The following SV2C variants were observed in gnomAD, a reference collection of about 807,000 sequenced individuals.
The protein encoded by SV2C is synaptic vesicle glycoprotein 2C, also known as solute carrier family 22 member B3.
SV2C carries 49 observed loss-of-function variants against 79.7 expected under a neutral mutation model. The ratio of observed to expected loss-of-function variants is 0.61; its 90% confidence interval spans 0.49 to 0.78. The LOEUF is 0.78. Ranked by LOEUF, SV2C falls within the 30% of genes least tolerant of loss-of-function variation. The pLI is 0.00. For missense variants in SV2C, 833 were observed against 912.9 expected, an observed-to-expected ratio of 0.91 and a Z score of 1.13; for synonymous variants, 334 against 333.2, an observed-to-expected ratio of 1.00 and a Z score of -0.03.
At chr5:75,868,330 A>G in the SV2C span, among the ~76,000 whole-genome samples, 1 of 152,180 alleles carries the variant, frequency 6.6e-6, no homozygotes, top group Admixed American at 6.5e-5. Flanking sequence ...CCCACTGACC[A>G]TTTATGAAGG....
At chr5:76,216,277 A>G (rs1333067327) in intron 4 of SV2C, among the ~76,000 whole-genome samples, 1 of 152,128 alleles carries the variant, frequency 6.6e-6, no homozygotes, top group Non-Finnish European at 1.5e-5. Flanking sequence ...CCCAACATGA[A>G]TGGACCTCAC....
At chr5:75,870,493 T>G in the SV2C span, among the ~76,000 whole-genome samples, 1 of 151,302 alleles carries the variant, frequency 6.6e-6, no homozygotes, top group African/African-American at 2.4e-5. Flanking sequence ...TTAAAAAAAA[T>G]GAAGCATGCC....
chr5:75,966,237 G>A, the SV2C span, among the ~76,000 whole-genome samples: 1 of 152,156 alleles, frequency 6.6e-6, no homozygotes, highest in Non-Finnish European at 1.5e-5. Context: ...TGAGATTTAT[G>A]CTTAGCTTTT....
At chr5:76,157,845 T>C (rs1035678967) in intron 2 of SV2C, among the ~76,000 whole-genome samples, 2 of 151,818 alleles carry the variant, frequency 1.3e-5, no homozygotes, top group African/African-American at 4.8e-5. Flanking sequence ...TTAATAAGAA[T>C]GTACTATTGG....
At chr5:75,926,662 G>A in the SV2C span, among the ~76,000 whole-genome samples, 1 of 152,058 alleles carries the variant, frequency 6.6e-6, no homozygotes, top group East Asian at 1.9e-4. Flanking sequence ...ACCAGATATT[G>A]CTGACAAATA....
the SV2C span, among the ~76,000 whole-genome samples, chr5:76,057,567 T>C: frequency 3.3e-5 from 5 of 152,134 alleles, no homozygotes; most frequent in African/African-American, 1.2e-4. Flanking sequence ...AAGCTGCAGG[T>C]CTTTGTTTAT....
intron 9 of SV2C, among the ~76,000 whole-genome samples, chr5:76,297,643 C>T (rs564489566): frequency 3.3e-5 from 5 of 152,064 alleles, no homozygotes; most frequent in African/African-American, 4.8e-5. Context: ...GGGATTGAAA[C>T]GAGATCATTA....
chr5:76,116,583 A>T (rs993648314), intron 1 of SV2C, among the ~76,000 whole-genome samples: 13 of 152,140 alleles, frequency 8.5e-5, no homozygotes, highest in African/African-American at 3.1e-4. Flanking sequence ...TTCCAGTGAA[A>T]GAGGCAGAAC....
chr5:76,207,423 A>C lies in SV2C; in HGVS notation c.762-2313A>C, dbSNP rs1744639938. Among the ~76,000 whole-genome samples, 4 of 152,340 alleles carry C rather than the reference A, an allele frequency of 2.6e-5. No homozygotes were observed. In the South Asian group the frequency reaches 8.3e-4, roughly 32 times the overall value. ...ACGGATTCTTCACATCAAATGAAGA[A>C]AAGGAGTAGTATTAAATTATTTGTG... On this transcript the variant is annotated intron_variant, in intron 3 of 12. Transcript: ENST00000502798.
the SV2C span, among the ~76,000 whole-genome samples, chr5:75,947,210 G>A: frequency 2.0e-5 from 3 of 152,062 alleles, no homozygotes; most frequent in Admixed American, 1.3e-4. Flanking sequence ...AAGATCAGGA[G>A]TTGTGTCTTG....
the SV2C span, among the ~76,000 whole-genome samples, chr5:76,046,769 C>A: frequency 6.6e-6 from 1 of 152,228 alleles, no homozygotes; most frequent in Non-Finnish European, 1.5e-5. Flanking sequence ...CAAGCCCCTC[C>A]TGAGGGGATG....
chr5:75,984,602 T>TCTATCTATCTAC, the SV2C span, among the ~76,000 whole-genome samples: 8 of 141,224 alleles, frequency 5.7e-5, no homozygotes, highest in Admixed American at 5.1e-4. Flanking sequence ...TATCTACCTA[T>TCTATCTATCTAC]CTATCTATCT....
At chr5:75,898,263 G>A in the SV2C span, among the ~76,000 whole-genome samples, 98 of 152,088 alleles carry the variant, frequency 6.4e-4, no homozygotes, top group Non-Finnish European at 1.3e-3. Context: ...ATTTTATTGA[G>A]AGCTTTTAGC....
chr5:76,011,756 T>C, the SV2C span, among the ~76,000 whole-genome samples: 399 of 152,166 alleles, frequency 2.6e-3, 1 homozygote, highest in Admixed American at 6.9e-3. Context: ...GCTATCCCTG[T>C]CCTAGCACCC....
At chr5:76,266,474 C>G (rs543764954) in intron 4 of SV2C, among the ~76,000 whole-genome samples, 48 of 152,340 alleles carry the variant, frequency 3.2e-4, no homozygotes, top group African/African-American at 1.1e-3. Context: ...TCCCAAAGTG[C>G]TGGGTTTACA....
chr5:76,144,634 G>A (rs1749362549), intron 2 of SV2C, among the ~76,000 whole-genome samples: 1 of 152,148 alleles, frequency 6.6e-6, no homozygotes, highest in South Asian at 2.1e-4. Flanking sequence ...GGGAACCTGA[G>A]GAGATACAAA....
At chr5:75,944,922 A>C in the SV2C span, among the ~76,000 whole-genome samples, 15 of 152,184 alleles carry the variant, frequency 9.9e-5, no homozygotes, top group African/African-American at 3.6e-4. Flanking sequence ...GGCTAAAAAA[A>C]CTGGAAAAAG....
intron 12 of SV2C, among the ~76,000 whole-genome samples, chr5:76,321,652 G>A (rs1748833241): frequency 6.6e-6 from 1 of 151,090 alleles, no homozygotes; most frequent in African/African-American, 2.4e-5. Flanking sequence ...GAGGTGGGAG[G>A]ATCACTTGAG....
intron 12 of SV2C, among the ~76,000 whole-genome samples, chr5:76,302,109 C>T (rs1174823802): frequency 6.6e-6 from 1 of 152,106 alleles, no homozygotes; most frequent in African/African-American, 2.4e-5. Context: ...AGTTTGTAGG[C>T]TAACAATATG....
Sources: gnomAD v4.1 joint callset for allele counts (sites outside exome capture counted in the v4.1 genomes callset) on GRCh38, gnomAD v4.1.1 for gene constraint, MANE v1.5 for transcripts, NCBI Gene and HGNC (gene_info 2026-07-23, HGNC 2026-07-21) for gene names.